TNR: variants seen among roughly 807,000 people sequenced by gnomAD.
TNR encodes the protein tenascin-R.
In TNR, 45 loss-of-function variants were observed where a neutral mutation model predicts 150.4. That is an observed-to-expected ratio of 0.30 (90% CI 0.24 to 0.38). The LOEUF (loss-of-function observed/expected upper bound fraction) is 0.38, where lower values mean the gene tolerates loss of function less well. TNR is among the 10% of genes least tolerant of loss of function. The pLI, the probability that TNR is intolerant of heterozygous loss-of-function variation, is 1.00. For missense variants in TNR, 1,544 were observed against 1,759.1 expected, an observed-to-expected ratio of 0.88 and a Z score of 2.19; for synonymous variants, 687 against 678.4, an observed-to-expected ratio of 1.01 and a Z score of -0.20.
At chr1:175,409,259 T>C (rs1300331244) in intron 2 of TNR, among the ~76,000 whole-genome samples, 1 of 152,210 alleles carries the variant, frequency 6.6e-6, no homozygotes, top group Non-Finnish European at 1.5e-5. Context: ...CTAAATAACT[T>C]TTTCTTCTGG....
intron 7 of TNR, among the ~76,000 whole-genome samples, chr1:175,390,466 T>C (rs1046302781): frequency 6.6e-6 from 1 of 152,212 alleles, no homozygotes; most frequent in African/African-American, 2.4e-5. Context: ...TATTTATAAC[T>C]TTCGAGACAT....
At chr1:175,735,803 A>G (rs941774444) in intron 1 of TNR, among the ~76,000 whole-genome samples, 4 of 152,204 alleles carry the variant, frequency 2.6e-5, no homozygotes, top group African/African-American at 9.7e-5. Context: ...CCAAGTGTTC[A>G]TGGTCTCTGG....
chr1:175,519,710 A>G (rs761615330), intron 2 of TNR, among the ~76,000 whole-genome samples: 5 of 152,222 alleles, frequency 3.3e-5, no homozygotes, highest in Admixed American at 6.5e-5. Context: ...CTTTCCTTTC[A>G]GAACAGCCCT....
chr1:175,541,370 C>T (rs1001299086), intron 1 of TNR, among the ~76,000 whole-genome samples: 1 of 152,204 alleles, frequency 6.6e-6, no homozygotes, highest in African/African-American at 2.4e-5. Context: ...ACTCAATTCG[C>T]TCTGTAAAGG....
intron 1 of TNR, among the ~76,000 whole-genome samples, chr1:175,712,992 T>A (rs1571779877): frequency 6.6e-6 from 1 of 151,976 alleles, no homozygotes; most frequent in Admixed American, 6.5e-5. Flanking sequence ...GATTGAAGGG[T>A]GGTACCCTTT....
At chr1:175,348,593 A>G (rs1327452110) in intron 18 of TNR, among the ~76,000 whole-genome samples, 1 of 152,178 alleles carries the variant, frequency 6.6e-6, no homozygotes, top group Non-Finnish European at 1.5e-5. Context: ...CTGAGAGTAG[A>G]ATAGGGAGTT....
intron 1 of TNR, among the ~76,000 whole-genome samples, chr1:175,666,378 C>T (rs913736298): frequency 3.9e-5 from 6 of 152,284 alleles, no homozygotes; most frequent in East Asian, 3.9e-4. Context: ...CCTGCATTCC[C>T]TTGACCACTC....
At chr1:175,363,571 C>T in intron 13 of TNR, 137 bp downstream of exon 13, 4 of 1,176,796 alleles carry the variant, frequency 3.4e-6, no homozygotes, top group South Asian at 1.6e-5. Context: ...CTCACCAGCC[C>T]ACTCTCATTC....
Position 175,671,911 on chromosome 1 carries a change from CTGTGTGTGTGTGTG to C in TNR, c.-165+71301_-165+71314del, listed in dbSNP as rs35804880. Reference sequence around the variant, plus strand: ...TCCAAGGGAGTCTTATGAGCTGTACCTGTGTGTGTGTGTGTGTGTGTGTGTGTGTGTGTGTGTGT... The same window carrying C: ...TCCAAGGGAGTCTTATGAGCTGTACCTGTGTGTGTGTGTGTGTGTGTGTGT... On this transcript the variant is annotated intron_variant, in intron 1 of 22. Coordinates refer to ENST00000367674, the MANE Select transcript of TNR (RefSeq NM_003285.3). 2.3e-3 allele frequency among the ~76,000 whole-genome samples: 328 copies of C among 142,138 alleles called. 2 individuals are homozygous for C. Among genetic ancestry groups the C allele is most frequent in the African/African-American group, 8.2e-3 (309 of 37,682 alleles). 93.2% of individuals were successfully genotyped at this position (142,138 alleles called of 152,430 possible). A position where few individuals can be genotyped will look rare whatever the true frequency, so the allele number is the denominator to read the frequency against.
At chr1:175,419,567 C>T (rs1402318171) in intron 2 of TNR, among the ~76,000 whole-genome samples, 5 of 152,036 alleles carry the variant, frequency 3.3e-5, no homozygotes, top group African/African-American at 7.3e-5. Flanking sequence ...CTGCAACCTC[C>T]GCCTCCCGGG....
chr1:175,654,714 C>T (rs1462510249), intron 1 of TNR, among the ~76,000 whole-genome samples: 1 of 144,092 alleles, frequency 6.9e-6, no homozygotes, highest in Non-Finnish European at 1.5e-5. Flanking sequence ...AACAAAAGTT[C>T]CCTTCTTTTT....
intron 9 of TNR, among the ~76,000 whole-genome samples, chr1:175,371,801 C>T (rs1388409196): frequency 6.6e-6 from 1 of 152,182 alleles, no homozygotes; most frequent in Non-Finnish European, 1.5e-5. Flanking sequence ...ACCCAAGTCT[C>T]TTGTTATTTT....
intron 1 of TNR, among the ~76,000 whole-genome samples, chr1:175,581,154 T>C (rs566988196): frequency 3.9e-5 from 6 of 152,340 alleles, no homozygotes; most frequent in African/African-American, 1.4e-4. Context: ...TTGCAGAGAC[T>C]GCTGCTGCTG....
intron 2 of TNR, among the ~76,000 whole-genome samples, chr1:175,506,933 T>C (rs859382): frequency 0.52 from 78,671 of 152,054 alleles, 21,496 homozygotes; most frequent in African/African-American, 0.69. Context: ...TGTGCTTATG[T>C]GAGGTGGAGA....
At chr1:175,666,790 C>G (rs529252216) in intron 1 of TNR, among the ~76,000 whole-genome samples, 1 of 152,186 alleles carries the variant, frequency 6.6e-6, no homozygotes, top group Non-Finnish European at 1.5e-5. Flanking sequence ...TTTCTGTCAC[C>G]AGGCTGGAGT....
At chr1:175,416,322 A>G (rs1654445039) in intron 2 of TNR, among the ~76,000 whole-genome samples, 1 of 152,182 alleles carries the variant, frequency 6.6e-6, no homozygotes, top group Non-Finnish European at 1.5e-5. Context: ...GTCCTGAATC[A>G]CATTTCTAGG....
intron 15 of TNR, among the ~76,000 whole-genome samples, chr1:175,357,758 A>G (rs1651400196): frequency 6.6e-6 from 1 of 152,196 alleles, no homozygotes; most frequent in South Asian, 2.1e-4. Flanking sequence ...GCATGTCTAT[A>G]GCATACACTG....
At chr1:175,379,496 C>T (rs1257421846) in intron 9 of TNR, 56 bp downstream of exon 9, 18 of 1,514,630 alleles carry the variant, frequency 1.2e-5, no homozygotes, top group Non-Finnish European at 1.5e-5. Context: ...GGGGAGACAG[C>T]TGTGAGGGTA....
At chr1:175,568,906 T>C (rs2102217550) in intron 1 of TNR, among the ~76,000 whole-genome samples, 1 of 152,294 alleles carries the variant, frequency 6.6e-6, no homozygotes, top group African/African-American at 2.4e-5. Context: ...ATGCCAAGAC[T>C]AAGGAAAAGT....
Sources: allele counts gnomAD v4.1 joint callset (sites outside exome capture counted in the v4.1 genomes callset), GRCh38; gene constraint gnomAD v4.1.1; transcripts MANE v1.5; gene names NCBI Gene and HGNC (gene_info 2026-07-23, HGNC 2026-07-21).